The following SHQ1 variants were observed in gnomAD, a reference collection of about 807,000 sequenced individuals.
SHQ1 encodes SHQ1, H/ACA ribonucleoprotein assembly factor, also known as protein SHQ1 homolog.
In SHQ1, 49 loss-of-function variants were observed where a neutral mutation model predicts 53.8. The observed-to-expected ratio is 0.91, with a 90% confidence interval of 0.72 to 1.16. The LOEUF (loss-of-function observed/expected upper bound fraction) is 1.16, where lower values mean the gene tolerates loss of function less well. SHQ1 is among the 50% of genes most tolerant of loss of function. The probability of loss-of-function intolerance (pLI) is 0.00; values close to 1 mark genes in which losing one functional copy is unlikely to be tolerated. For synonymous variants in SHQ1, 243 were observed against 251.0 expected, an observed-to-expected ratio of 0.97 and a Z score of 0.30; for missense variants, 738 against 683.1, an observed-to-expected ratio of 1.08 and a Z score of -0.90.
the SHQ1 span, among the ~76,000 whole-genome samples, chr3:72,730,534 C>G: frequency 6.6e-6 from 1 of 152,176 alleles, no homozygotes; most frequent in African/African-American, 2.4e-5. Context: ...TCTTAAAATG[C>G]CTCTGCTGTA....
intron 5 of SHQ1, 41 bp downstream of exon 5, chr3:72,832,328 G>A: frequency 7.0e-7 from 1 of 1,422,182 alleles, no homozygotes. Flanking sequence ...TAAAATAAAT[G>A]TCAAGTAAAT....
intron 9 of SHQ1, among the ~76,000 whole-genome samples, chr3:72,797,168 G>A (rs532468420): frequency 2.6e-5 from 4 of 152,154 alleles, no homozygotes; most frequent in Middle Eastern, 3.4e-3. Flanking sequence ...TGAGGCGAGA[G>A]AATCACTTAA....
chr3:72,758,422 A>T (rs1705541688), intron 10 of SHQ1, among the ~76,000 whole-genome samples: 1 of 152,132 alleles, frequency 6.6e-6, no homozygotes. Context: ...GAGAAACATC[A>T]TCTAGTCCAT....
chr3:72,794,129 TTCTTA>T (rs1377513337), intron 9 of SHQ1: 5 of 152,220 alleles, frequency 3.3e-5, no homozygotes, highest in African/African-American at 7.2e-5. Flanking sequence ...AACAGTTTCA[TTCTTA>T]TCTTTACAGT....
At chr3:72,807,689 C>T (rs1190815594) in intron 9 of SHQ1, among the ~76,000 whole-genome samples, 2 of 152,148 alleles carry the variant, frequency 1.3e-5, no homozygotes, top group African/African-American at 4.8e-5. Flanking sequence ...TCATACAATA[C>T]ACTTGCCAAA....
At chr3:72,765,530 C>CATATATATATAT (rs10551107) in intron 10 of SHQ1, among the ~76,000 whole-genome samples, 15 of 83,502 alleles carry the variant, frequency 1.8e-4, no homozygotes, top group African/African-American at 8.7e-4. Context: ...ATTCACATGA[C>CATATATATATAT]ATATATATAT....
Position 72,750,375 on chromosome 3 carries a change from G to T in SHQ1, c.1643C>A (p.Thr548Asn). Residue 548 changes from threonine to asparagine, a missense_variant, in exon 11 of 11, where the codon ACT becomes AAT. Coordinates refer to ENST00000325599, the MANE Select transcript of SHQ1 (RefSeq NM_018130.3). ...CTTGGGTTCAGAAACCTGAACTGTA[G>T]TCTTCAGTTGTTCCCCAAGCTCCTC... ...LIEELGEQLK[T>N]TVQVSEPKGT... The T allele has an allele frequency of 1.9e-6, 3 of 1,614,108 alleles. No individual in the cohort carries two copies. The highest frequency in any genetic ancestry group is 2.5e-6 in the Non-Finnish European group (3 of 1,180,034).
intron 10 of SHQ1, among the ~76,000 whole-genome samples, chr3:72,756,790 A>G (rs1309062091): frequency 6.6e-6 from 1 of 152,246 alleles, no homozygotes; most frequent in Non-Finnish European, 1.5e-5. Flanking sequence ...CTTTCTGCAT[A>G]TGTGAAATAA....
intron 6 of SHQ1, among the ~76,000 whole-genome samples, chr3:72,819,195 A>G (rs1707405558): frequency 6.6e-6 from 1 of 152,216 alleles, no homozygotes; most frequent in South Asian, 2.1e-4. Flanking sequence ...TATTTCTCCA[A>G]TTGCTCAACT....
At chr3:72,734,240 A>G in the SHQ1 span, among the ~76,000 whole-genome samples, 1 of 151,202 alleles carries the variant, frequency 6.6e-6, no homozygotes, top group South Asian at 2.1e-4. Context: ...AATGCAAGCC[A>G]TCATTTTTAT....
At chr3:72,773,166 A>G (rs902054198) in intron 10 of SHQ1, 1 of 740,784 alleles carries the variant, frequency 1.3e-6, no homozygotes, top group Non-Finnish European at 2.5e-6. Flanking sequence ...GGAAAAAGAC[A>G]TAAAAAACCA....
At chr3:72,726,145 T>A in the SHQ1 span, among the ~76,000 whole-genome samples, 1 of 152,180 alleles carries the variant, frequency 6.6e-6, no homozygotes, top group Admixed American at 6.5e-5. Flanking sequence ...ATGTTACAGA[T>A]AAAGAAACTG....
At chr3:72,812,904 T>C (rs887275312) in intron 8 of SHQ1, 110 bp from the exon 9 acceptor site, 9 of 1,186,540 alleles carry the variant, frequency 7.6e-6, no homozygotes, top group African/African-American at 1.5e-5. Flanking sequence ...GTTCGGATCA[T>C]TGTGAAGCCA....
Position 72,789,026 on chromosome 3 carries a change from A to G in SHQ1, c.1181+3890T>C, listed in dbSNP as rs372972685. On this transcript the variant is annotated intron_variant, in intron 10 of 10. Transcript: ENST00000325599. Reference sequence around the variant, plus strand: ...CTGACCTTCCCTCCACTATTGTCCTATGACCCTGCCAAATCCCCCTCTCCG... The same window carrying G: ...CTGACCTTCCCTCCACTATTGTCCTGTGACCCTGCCAAATCCCCCTCTCCG... Among the ~76,000 whole-genome samples, 832 of 151,504 alleles carry G rather than the reference A, an allele frequency of 5.5e-3. 8 individuals are homozygous for G. The highest frequency in any genetic ancestry group is 0.018 in the African/African-American group (740 of 41,252).
chr3:72,756,356 A>G (rs182552356), intron 10 of SHQ1, among the ~76,000 whole-genome samples: 21 of 151,538 alleles, frequency 1.4e-4, no homozygotes, highest in Admixed American at 9.8e-4. Context: ...GCTCACTGCA[A>G]CCTCCACCTC....
intron 5 of SHQ1, among the ~76,000 whole-genome samples, chr3:72,828,763 T>TA (rs1474228908): frequency 6.6e-6 from 1 of 151,956 alleles, no homozygotes; most frequent in East Asian, 1.9e-4. Context: ...TGCTGTGGTG[T>TA]AAAACGTGAG....
the SHQ1 span, among the ~76,000 whole-genome samples, chr3:72,737,177 C>T: frequency 4.6e-5 from 7 of 152,024 alleles, no homozygotes; most frequent in Admixed American, 4.6e-4. Flanking sequence ...ACTCAGGAGA[C>T]TGAGGCATGA....
intron 7 of SHQ1, 66 bp downstream of exon 7, chr3:72,817,164 T>A: frequency 6.6e-7 from 1 of 1,510,994 alleles, no homozygotes; most frequent in Admixed American, 2.0e-5. Context: ...CAAGAAAGAC[T>A]GATGCTTTAA....
At chr3:72,737,568 A>C in the SHQ1 span, among the ~76,000 whole-genome samples, 51 of 152,340 alleles carry the variant, frequency 3.3e-4, no homozygotes, top group African/African-American at 1.1e-3. Context: ...CCAATGCTCA[A>C]GTCCCTGATA....
Sources: allele counts gnomAD v4.1 joint callset (sites outside exome capture counted in the v4.1 genomes callset), GRCh38; gene constraint gnomAD v4.1.1; transcripts MANE v1.5; gene names NCBI Gene and HGNC (gene_info 2026-07-23, HGNC 2026-07-21).